Variants in POLQ observed in about 807,000 individuals in gnomAD.
POLQ encodes the protein epididymis secretory sperm binding protein.
Under a neutral mutation model 259.2 loss-of-function variants are expected in POLQ, and 233 were observed. The observed-to-expected ratio is 0.90, with a 90% CI of 0.81 to 1.00. The LOEUF is 1.00. POLQ is among the 50% of genes least tolerant of loss of function. POLQ has a pLI of 0.00. For synonymous variants in POLQ, 1,025 were observed against 1,048.8 expected (o/e 0.98, Z 0.44); for missense variants, 2,871 against 3,051.6 (o/e 0.94, Z 1.39).
chr3:121,536,354 G>T (rs1197139760), intron 5 of POLQ, among the ~76,000 whole-genome samples: 1 of 152,100 alleles, frequency 6.6e-6, no homozygotes, highest in East Asian at 1.9e-4. Context: ...CATAGTAAAA[G>T]TCAAGATATA....
At position 121,432,996 on chromosome 3, in the gene POLQ, G is replaced by A; in HGVS notation, c.7581C>T (p.Cys2527=). 2 of 1,611,738 alleles carry A rather than the reference G, an allele frequency of 1.2e-6. No individual in the cohort carries two copies. The highest frequency in any genetic ancestry group is 1.7e-6 in the Non-Finnish European group (2 of 1,177,878). ...GGATGAAGAAGCCTCCTCTGATTGGGCAGAACATCCCTTGCAGTTTTCTCT... is the reference window on the plus strand; with the variant it reads ...GGATGAAGAAGCCTCCTCTGATTGGACAGAACATCCCTTGCAGTTTTCTCT... The part of the protein sequence containing the change: ...SRKRKLQGMF[C]PIRGGFFILQ... Residue 2527 remains cysteine (C), a synonymous_variant, in exon 29 of 30, where the codon TGC becomes TGT. Coordinates refer to ENST00000264233, the MANE Select transcript of POLQ (RefSeq NM_199420.4).
intron 26 of POLQ, among the ~76,000 whole-genome samples, chr3:121,440,323 T>A (rs2047580674): frequency 6.6e-6 from 1 of 152,154 alleles, no homozygotes; most frequent in Non-Finnish European, 1.5e-5. Context: ...TGAAATACTC[T>A]AACTCTTTGG....
chr3:121,497,975 G>C (rs967406936), intron 13 of POLQ, among the ~76,000 whole-genome samples: 1 of 152,134 alleles, frequency 6.6e-6, no homozygotes, highest in African/African-American at 2.4e-5. Context: ...CTGCTAAACT[G>C]TGAGCTGCAG....
At chr3:121,458,182 C>A (rs186107348) in intron 25 of POLQ, among the ~76,000 whole-genome samples, 5,489 of 151,914 alleles carry the variant, frequency 0.036, 147 homozygotes, top group Middle Eastern at 0.082. Context: ...GGGAATTGAA[C>A]AATGAGAACA....
At chr3:121,504,234 A>G (rs981513960) in intron 12 of POLQ, among the ~76,000 whole-genome samples, 43 of 152,364 alleles carry the variant, frequency 2.8e-4, no homozygotes, top group African/African-American at 9.6e-4. Context: ...CCATCCTCAC[A>G]TAAATAAAAA....
intron 10 of POLQ, 77 bp from the exon 11 acceptor site, chr3:121,510,320 G>GT (rs1355505348): frequency 1.3e-5 from 13 of 984,094 alleles, no homozygotes; most frequent in Admixed American, 3.8e-5. Flanking sequence ...GCTCATGCCT[G>GT]TAATCCCAGC....
intron 10 of POLQ, among the ~76,000 whole-genome samples, chr3:121,511,193 T>G (rs1237520172): frequency 1.5e-5 from 2 of 130,016 alleles, no homozygotes; most frequent in Admixed American, 1.9e-4. Context: ...ACCACTGCAC[T>G]CCAGCCTGGG....
At chr3:121,536,109 A>G (rs2048448894) in intron 5 of POLQ, among the ~76,000 whole-genome samples, 1 of 152,206 alleles carries the variant, frequency 6.6e-6, no homozygotes, top group African/African-American at 2.4e-5. Flanking sequence ...ATTTCAGAGA[A>G]AACAAAAAGT....
chr3:121,436,286 C>A lies in POLQ; in HGVS notation c.7390-11G>T, dbSNP rs1268287787. The A allele has an allele frequency of 1.9e-6, 3 of 1,613,160 alleles. No homozygotes were observed. Among genetic ancestry groups the A allele is most frequent in the Non-Finnish European group, 2.5e-6 (3 of 1,179,330 alleles). On this transcript the variant is annotated splice_polypyrimidine_tract_variant and intron_variant, in intron 27 of 29. Transcript: ENST00000264233. ...AGCTTGACGCTCAGCCTAGAAAAAA[C>A]AATCAACAGGTGCTCCACCAGATAT...
chr3:121,496,932 C>A lies in POLQ; in HGVS notation c.2154G>T (p.Arg718Ser), dbSNP rs779169479. Residue 718 changes from arginine to serine, a missense_variant and splice_region_variant, in exon 14 of 30, where the codon AGG becomes AGT. This residue lies in a region of POLQ where 783 missense variants were observed against 906.2 expected (regional missense o/e 0.86). Coordinates refer to ENST00000264233, the MANE Select transcript of POLQ (RefSeq NM_199420.4). Reference sequence around the variant, plus strand: ...CTAATAGCACAAGACTGGTGAAAAACCTGGGAATAAATCATCAAAAGCGTG... The same window carrying A: ...CTAATAGCACAAGACTGGTGAAAAAACTGGGAATAAATCATCAAAAGCGTG... ...RQHRQMAIHK[R>S]FFTSLVLLDL... 6.2e-7 allele frequency: 1 copy of A among 1,611,678 alleles called. No individual in the cohort carries two copies. Among genetic ancestry groups the A allele is most frequent in the Non-Finnish European group, 8.5e-7 (1 of 1,179,502 alleles).
intron 14 of POLQ, chr3:121,494,788 C>T (rs115130725): frequency 0.048 from 71,622 of 1,490,622 alleles, 2,097 homozygotes; most frequent in Middle Eastern, 0.081. Context: ...CCAATTACAA[C>T]GACAGATAGG....
intron 2 of POLQ, among the ~76,000 whole-genome samples, chr3:121,542,192 G>C (rs1054117348): frequency 2.6e-5 from 4 of 151,856 alleles, no homozygotes; most frequent in Non-Finnish European, 5.9e-5. Context: ...GAATCTTATG[G>C]AAATGAAACA....
chr3:121,522,166 A>G lies in POLQ; in HGVS notation c.1109-17T>C. 2 of 1,586,658 alleles carry G rather than the reference A, an allele frequency of 1.3e-6. No individual in the cohort carries two copies. The highest frequency in any genetic ancestry group is 1.7e-6 in the Non-Finnish European group (2 of 1,170,126). On this transcript the variant is annotated splice_polypyrimidine_tract_variant and intron_variant, in intron 7 of 29. Transcript: ENST00000264233. ...TCACCAATCCTGTCACAAAAAAATT[A>G]TCAACACCATTTGCTTCTAACTCAG... is the stretch of plus-strand genomic sequence containing the variant.
Position 121,440,121 on chromosome 3 carries a change from A to G in POLQ, c.7265-5T>C, listed in dbSNP as rs756006015. 2 of 1,601,258 alleles carry G rather than the reference A, an allele frequency of 1.2e-6. No individual in the cohort carries two copies. Among genetic ancestry groups the G allele is most frequent in the Non-Finnish European group, 8.5e-7 (1 of 1,169,770 alleles). On this transcript the variant is annotated splice_polypyrimidine_tract_variant and splice_region_variant and intron_variant, in intron 26 of 29. Transcript: ENST00000264233. ...CTGTCATGAATTGATTAATCCCTAC[A>G]AAGAAAATACAGAAATAATTAATTA...
chr3:121,507,325 T>G (rs570297948), intron 12 of POLQ, among the ~76,000 whole-genome samples: 22 of 152,252 alleles, frequency 1.4e-4, no homozygotes, highest in Non-Finnish European at 2.1e-4. Context: ...CAAGGCCTTT[T>G]GAGCATGAGT....
rs751274563 is a variant in POLQ at position 121,460,266 on chromosome 3, A to G, written c.6968-32T>C. 4.6e-6 allele frequency: 7 copies of G among 1,533,682 alleles called. No homozygotes were observed. In the East Asian group the frequency reaches 1.6e-4, roughly 35 times the overall value. On this transcript the variant is annotated intron_variant, in intron 24 of 29. Coordinates refer to ENST00000264233, the MANE Select transcript of POLQ (RefSeq NM_199420.4). ...TAGAAGTGATTTCAGAAAAGCTAGT[A>G]CAAAGTTTCTATATCACACAATCCA...
chr3:121,458,249 G>A (rs964773813), intron 25 of POLQ, among the ~76,000 whole-genome samples: 1 of 152,052 alleles, frequency 6.6e-6, no homozygotes, highest in African/African-American at 2.4e-5. Context: ...GTGGGGGAAT[G>A]GGGGAGGGAT....
At position 121,534,971 on chromosome 3, in the gene POLQ, C is replaced by T. The variant is rs192206306; in HGVS notation, c.741-1762G>A. Reference sequence around the variant, plus strand: ...GCTTTATGGTCCAGTATATGGAAAACTTTTTGATAAATGTTCCATGTGTAA... The same window carrying T: ...GCTTTATGGTCCAGTATATGGAAAATTTTTTGATAAATGTTCCATGTGTAA... On this transcript the variant is annotated intron_variant, in intron 5 of 29. Coordinates refer to ENST00000264233, the MANE Select transcript of POLQ (RefSeq NM_199420.4). Among the ~76,000 whole-genome samples the T allele has an allele frequency of 2.0e-5, 3 of 152,262 alleles. No individual in the cohort carries two copies. In the East Asian group the frequency reaches 5.8e-4, roughly 29 times the overall value.
At position 121,511,306 on chromosome 3, in the gene POLQ, G is replaced by A. The variant is rs1039450267; in HGVS notation, c.1611+581C>T. On this transcript the variant is annotated intron_variant, in intron 10 of 29. Coordinates refer to ENST00000264233, the MANE Select transcript of POLQ (RefSeq NM_199420.4). ...CCAGCTACTCAGGAGGCTGAGGCAC[G>A]AGAATTCCTTGAACCCAGGAGCCAG... Among the ~76,000 whole-genome samples, 56 of 151,408 alleles carry A rather than the reference G, an allele frequency of 3.7e-4. 1 individual carries two copies. Among genetic ancestry groups the A allele is most frequent in the African/African-American group, 1.3e-3 (52 of 41,240 alleles).
Sources: allele counts gnomAD v4.1 joint callset (sites outside exome capture counted in the v4.1 genomes callset), GRCh38; gene constraint gnomAD v4.1.1; regional missense constraint gnomAD v4.1.1; transcripts MANE v1.5; gene names NCBI Gene and HGNC (gene_info 2026-07-23, HGNC 2026-07-21).